Variants in HPS4 observed in about 807,000 individuals in gnomAD.
The protein encoded by HPS4 is BLOC-3 complex member HPS4.
HPS4 carries 44 observed loss-of-function variants against 70.3 expected under a neutral mutation model. That is an observed-to-expected ratio of 0.63 (90% CI 0.49 to 0.80). The LOEUF (loss-of-function observed/expected upper bound fraction) is 0.80. Among genes scored for constraint, HPS4 ranks in the 30% least tolerant of loss-of-function variants. The pLI, the probability that HPS4 is intolerant of heterozygous loss-of-function variation, is 0.00. For synonymous variants in HPS4, 377 were observed against 355.9 expected, an observed-to-expected ratio of 1.06 and a Z score of -0.67; for missense variants, 873 against 884.4, an observed-to-expected ratio of 0.99 and a Z score of 0.16.
At chr22:26,483,129 G>C (rs1030782657) in intron 1 of HPS4, among the ~76,000 whole-genome samples, 6 of 152,062 alleles carry the variant, frequency 3.9e-5, no homozygotes, top group Non-Finnish European at 5.9e-5. Flanking sequence ...ATTTTGGATT[G>C]GGCCTCCACA....
intron 13 of HPS4, chr22:26,453,617 A>C: frequency 4.9e-6 from 3 of 616,754 alleles, no homozygotes; most frequent in Non-Finnish European, 5.9e-6. Flanking sequence ...AGATGCTGGA[A>C]GAGTCCGTGG....
At chr22:26,460,308 A>G (rs2086983604) in intron 11 of HPS4, among the ~76,000 whole-genome samples, 1 of 152,256 alleles carries the variant, frequency 6.6e-6, no homozygotes, top group Non-Finnish European at 1.5e-5. Context: ...ATAATATCTC[A>G]TGTTCAGATC....
chr22:26,476,882 A>G, intron 4 of HPS4, 111 bp downstream of exon 4: 1 of 1,152,434 alleles, frequency 8.7e-7, no homozygotes, highest in South Asian at 1.3e-5. Context: ...AACACAGTAC[A>G]TGGATGAGGT....
At chr22:26,469,087 C>T (rs768762566) in intron 7 of HPS4, among the ~76,000 whole-genome samples, 3 of 151,996 alleles carry the variant, frequency 2.0e-5, no homozygotes, top group East Asian at 1.9e-4. Context: ...ATACATGTAC[C>T]AGTGGGGACA....
intron 3 of HPS4, among the ~76,000 whole-genome samples, chr22:26,477,886 G>A (rs1300492221): frequency 6.6e-6 from 1 of 152,128 alleles, no homozygotes; most frequent in African/African-American, 2.4e-5. Flanking sequence ...ATAGAGGAGG[G>A]GGAAAAAGAT....
chr22:26,474,324 A>G (rs778640971), intron 4 of HPS4, among the ~76,000 whole-genome samples: 2 of 152,228 alleles, frequency 1.3e-5, no homozygotes, highest in African/African-American at 2.4e-5. Context: ...GGGAAATCCA[A>G]TAGGGAAAGG....
chr22:26,483,623 G>A (rs577142180), intron 1 of HPS4, 51 bp downstream of exon 1: 4 of 319,326 alleles, frequency 1.3e-5, no homozygotes, highest in East Asian at 5.6e-5. Context: ...CACGCTCTAA[G>A]CTGGGGGCCC....
rs570600548 is a variant in HPS4, at chr22:26,453,645, G to A, written c.1956-241C>T. ...GTCCGTGGCGGGACCATCCACAGTG[G>A]CAGCAGCCACAGATCCTGGAGTTAT... On this transcript the variant is annotated intron_variant, in intron 13 of 13. Transcript: ENST00000398145. 46 of 561,396 alleles carry A rather than the reference G, an allele frequency of 8.2e-5. No individual in the cohort carries two copies. In the South Asian group the frequency reaches 8.8e-4, roughly 11 times the overall value. 34.8% of individuals were successfully genotyped at this position (561,396 alleles called of 1,614,324 possible). A position where few individuals can be genotyped will look rare whatever the true frequency, so the allele number is the denominator to read the frequency against.
intron 4 of HPS4, chr22:26,475,951 G>T (rs906437498): frequency 6.6e-6 from 1 of 152,286 alleles, no homozygotes; most frequent in African/African-American, 2.4e-5. Context: ...GCTGAGATGG[G>T]AGGATCGTTT....
At chr22:26,476,774 C>T in intron 4 of HPS4, 1 of 542,140 alleles carries the variant, frequency 1.8e-6, no homozygotes, top group South Asian at 2.0e-5. Flanking sequence ...AAAGGAGAAA[C>T]CAGCTGTGTG....
rs116241923 is a variant in HPS4, at chr22:26,464,015, C to T, written c.1615G>A (p.Val539Met). 11 of 1,614,144 alleles carry T rather than the reference C, an allele frequency of 6.8e-6. No individual in the cohort carries two copies. The highest frequency in any genetic ancestry group is 4.0e-5 in the African/African-American group (3 of 74,954). ...CAGTGAGTGTAGAGATTCATCCTCA[C>T]GAGCCCCATGCAGGACTCTGCTGGT... is the stretch of plus-strand genomic sequence containing the variant. ...LTPAESCMGL[V>M]RMNLYTHCVK... Residue 539 changes from valine to methionine, a missense_variant, in exon 11 of 14, where the codon GTG becomes ATG. Transcript: ENST00000398145.
At chr22:26,467,670 T>TA (rs2146660231) in intron 8 of HPS4, 2 of 152,290 alleles carry the variant, frequency 1.3e-5, no homozygotes, top group South Asian at 4.1e-4. Context: ...TGTTCACTAA[T>TA]ACATGTAAAA....
At chr22:26,444,617 T>G (rs766415101) in exon 4 of HPS4, 1 of 152,174 alleles carries the variant, frequency 6.6e-6, no homozygotes, top group Non-Finnish European at 1.5e-5. Context: ...GAGGAGTGGT[T>G]TGGAATATAC....
rs1248383727 is a variant in HPS4 at position 26,464,107 on chromosome 22, C to A, written c.1523G>T (p.Cys508Phe). Residue 508 changes from cysteine to phenylalanine, a missense_variant, in exon 11 of 14, where the codon TGC (cysteine) becomes TTC (phenylalanine). Coordinates refer to ENST00000398145, the MANE Select transcript of HPS4 (RefSeq NM_022081.6). ...CTGACAGTTTGCTGAGCCTGAACTG[C>A]ATTCCAGACCAGGGGCTGCGTGGCT... is the stretch of plus-strand genomic sequence containing the variant. ...CESHAAPGLE[C>F]SSGSANCQGA... is the part of the protein sequence containing the mutation. 2 of 1,614,276 alleles carry A rather than the reference C, an allele frequency of 1.2e-6. No individual in the cohort carries two copies. The highest frequency in any genetic ancestry group is 4.5e-5 in the East Asian group (2 of 44,884).
intron 8 of HPS4, chr22:26,466,522 C>T (rs993636595): frequency 9.6e-5 from 56 of 580,352 alleles, no homozygotes; most frequent in South Asian, 2.0e-5. Context: ...TCACACTCTA[C>T]GTTCTGATTT....
In HPS4 at chr22:26,452,220, A is replaced by G. The variant is rs1317977342; in HGVS notation, c.*1013T>C. ...GAAATTATTAACAATACAACTCTCAAATGGAATCTCAAGTACTTCCAGTAA... is the reference window on the plus strand; with the variant it reads ...GAAATTATTAACAATACAACTCTCAGATGGAATCTCAAGTACTTCCAGTAA... On this transcript the variant is annotated 3_prime_UTR_variant, in exon 14 of 14. Transcript: ENST00000398145. The G allele has an allele frequency of 1.3e-5, 5 of 378,382 alleles. No homozygotes were observed. The highest frequency in any genetic ancestry group is 2.1e-5 in the African/African-American group (1 of 47,646). The allele number at this position is 378,382 out of a possible 1,614,324, so 23.4% of individuals were successfully genotyped here.
chr22:26,468,713 C>T (rs1052111709), intron 7 of HPS4, 90 bp from the exon 8 acceptor site: 15 of 1,234,540 alleles, frequency 1.2e-5, no homozygotes, highest in African/African-American at 8.9e-5. Flanking sequence ...CCCGTGTTGA[C>T]GAGGATCTTG....
intron 8 of HPS4, chr22:26,467,362 T>TGTAGGCA (rs1465997072): frequency 6.6e-6 from 1 of 152,262 alleles, no homozygotes; most frequent in African/African-American, 2.4e-5. Flanking sequence ...AAACTTCATT[T>TGTAGGCA]GTAGGCAGGT....
chr22:26,464,674 G>A lies in HPS4; in HGVS notation c.956C>T (p.Pro319Leu), dbSNP rs371109134. ...PDPTSPDEAC[P>L]DGRKENGCLS... is the part of the protein sequence containing the mutation. Reference sequence around the variant, plus strand: ...GCATCCGTTCTCCTTCCTGCCATCTGGACAAGCTTCGTCAGGGGATGTGGG... The same window carrying A: ...GCATCCGTTCTCCTTCCTGCCATCTAGACAAGCTTCGTCAGGGGATGTGGG... The change falls in exon 11 of 14, where the codon CCA becomes CTA. Residue 319 changes from proline (P) to leucine (L), a missense_variant. Physicochemically the swap from Pro to Leu is moderately conservative, Grantham distance 98. Transcript: ENST00000398145. 6 of 1,610,976 alleles carry A rather than the reference G, an allele frequency of 3.7e-6. No homozygotes were observed. The highest frequency in any genetic ancestry group is 5.1e-6 in the Non-Finnish European group (6 of 1,177,524).
Sources: allele counts gnomAD v4.1 joint callset (sites outside exome capture counted in the v4.1 genomes callset), GRCh38; gene constraint gnomAD v4.1.1; transcripts MANE v1.5; gene names NCBI Gene and HGNC (gene_info 2026-07-23, HGNC 2026-07-21).